DOCK5: variants seen among roughly 807,000 people sequenced by gnomAD.
DOCK5 encodes the protein dedicator of cytokinesis 5.
In DOCK5, 142 loss-of-function variants were observed where a neutral mutation model predicts 251.8. The observed-to-expected ratio is 0.56, with a 90% CI of 0.49 to 0.65. The LOEUF is 0.65. DOCK5 is among the 30% of genes least tolerant of loss of function. The probability of loss-of-function intolerance (pLI) is 0.00; values close to 1 mark genes in which losing one functional copy is unlikely to be tolerated. For missense variants in DOCK5, 2,111 were observed against 2,312.3 expected (o/e 0.91, Z 1.79); for synonymous variants, 842 against 835.5 (o/e 1.01, Z -0.13).
chr8:25,260,525 A>C (rs1160910600), intron 2 of DOCK5, among the ~76,000 whole-genome samples: 1 of 152,174 alleles, frequency 6.6e-6, no homozygotes, highest in African/African-American at 2.4e-5. Context: ...TTGTTGGGAA[A>C]TCATGCGTCC....
rs184268929 is a variant in DOCK5, at chr8:25,386,438, A to T, written c.4132-2653A>T. Among the ~76,000 whole-genome samples, 474 of 152,210 alleles carry T rather than the reference A, an allele frequency of 3.1e-3. 2 individuals are homozygous for T. The highest frequency in any genetic ancestry group is 5.5e-3 in the African/African-American group (229 of 41,536). ...AGCATGACCCCGTCTCTATAAAAAA[A>T]TTTTTTAAAAATTAGCCAGGCATGG... On this transcript the variant is annotated intron_variant, in intron 40 of 51. Coordinates refer to ENST00000276440, the MANE Select transcript of DOCK5 (RefSeq NM_024940.8).
intron 45 of DOCK5, among the ~76,000 whole-genome samples, chr8:25,399,327 C>A (rs1018084583): frequency 1.3e-5 from 2 of 152,152 alleles, no homozygotes; most frequent in Admixed American, 6.5e-5. Context: ...ATAAGGGCAA[C>A]CAGCATTTAA....
chr8:25,412,038 C>T lies in DOCK5; in HGVS notation c.*740C>T, dbSNP rs1801639830. On this transcript the variant is annotated 3_prime_UTR_variant, in exon 52 of 52. Coordinates refer to ENST00000276440, the MANE Select transcript of DOCK5 (RefSeq NM_024940.8). ...TTCACTGCGTCGCAGTCACTCCTTC[C>T]CTACGGACTTCTTTGAAGCTCTTCC... 1 of 150,340 alleles carries T rather than the reference C, an allele frequency of 6.7e-6. No homozygotes were observed. Among genetic ancestry groups the T allele is most frequent in the African/African-American group, 2.4e-5 (1 of 40,886 alleles). The allele number at this position is 150,340 out of a possible 1,614,324, so 9.3% of individuals were successfully genotyped here. A position where few individuals can be genotyped will look rare whatever the true frequency, so the allele number is the denominator to read the frequency against.
Position 25,298,385 on chromosome 8 carries a change from G to T in DOCK5, c.607-559G>T, listed in dbSNP as rs1051450407. Among the ~76,000 whole-genome samples, 3 of 152,160 alleles carry T rather than the reference G, an allele frequency of 2.0e-5. No individual in the cohort carries two copies. In the East Asian group the frequency reaches 5.8e-4, roughly 29 times the overall value. On this transcript the variant is annotated intron_variant, in intron 7 of 51. Transcript: ENST00000276440. Reference sequence around the variant, plus strand: ...ATTCAGAAGCTATTGTGTAAGACAAGCACCTCTTGGAGCTACCAAAACCCT... The same window carrying T: ...ATTCAGAAGCTATTGTGTAAGACAATCACCTCTTGGAGCTACCAAAACCCT...
chr8:25,380,079 A>G (rs1448354572), intron 38 of DOCK5, among the ~76,000 whole-genome samples: 1 of 152,236 alleles, frequency 6.6e-6, no homozygotes, highest in Admixed American at 6.5e-5. Flanking sequence ...CCGTGCAAAC[A>G]GAACTACAGA....
intron 27 of DOCK5, among the ~76,000 whole-genome samples, chr8:25,353,091 G>A (rs1243362629): frequency 6.6e-6 from 1 of 152,120 alleles, no homozygotes; most frequent in Non-Finnish European, 1.5e-5. Flanking sequence ...AAGTAAAACT[G>A]TCTTTCTGCT....
At chr8:25,284,205 T>A (rs1241900630) in intron 5 of DOCK5, among the ~76,000 whole-genome samples, 1 of 152,236 alleles carries the variant, frequency 6.6e-6, no homozygotes, top group Non-Finnish European at 1.5e-5. Flanking sequence ...GGATTTTATG[T>A]GCTATATGCC....
chr8:25,381,692 A>C (rs1801070642), intron 39 of DOCK5, among the ~76,000 whole-genome samples: 1 of 152,188 alleles, frequency 6.6e-6, no homozygotes. Context: ...CATGTTACAT[A>C]CCGGTCTAAG....
rs1430808829 is a variant in DOCK5 at position 25,391,875 on chromosome 8, CA to C, written c.4356-20del. The C allele has an allele frequency of 6.2e-7, 1 of 1,610,394 alleles. No individual in the cohort carries two copies. The highest frequency in any genetic ancestry group is 8.5e-7 in the Non-Finnish European group (1 of 1,177,480). On this transcript the variant is annotated intron_variant, in intron 42 of 51. Coordinates refer to ENST00000276440, the MANE Select transcript of DOCK5 (RefSeq NM_024940.8). Reference sequence around the variant, plus strand: ...GTTGTTCTAAGAGAGAAAAATACAGCATTGCTTTGTCCTTCTCCAGCTACTA... The same window carrying C: ...GTTGTTCTAAGAGAGAAAAATACAGCTTGCTTTGTCCTTCTCCAGCTACTA...
chr8:25,411,154 G>T, intron 51 of DOCK5, 40 bp from the exon 52 acceptor site: 1 of 1,492,720 alleles, frequency 6.7e-7, no homozygotes, highest in Non-Finnish European at 8.9e-7. Context: ...TGGGAAGAAA[G>T]CTAAGACCTG....
In DOCK5 at chr8:25,401,133, G is replaced by A. The variant is rs553496481; in HGVS notation, c.4926+67G>A. On this transcript the variant is annotated intron_variant, in intron 47 of 51. Transcript: ENST00000276440. The stretch of plus-strand genomic sequence containing the variant: ...CTGTGACCTTTTATGACACTGATTC[G>A]TTTTTCAGATGCCAAGTGAGTTGTA... The A allele has an allele frequency of 4.4e-5, 69 of 1,581,626 alleles. No homozygotes were observed. In the East Asian group the frequency reaches 5.9e-4, roughly 13 times the overall value.
chr8:25,259,057 T>C (rs532140127), intron 2 of DOCK5, among the ~76,000 whole-genome samples: 30 of 152,056 alleles, frequency 2.0e-4, no homozygotes, highest in African/African-American at 6.8e-4. Flanking sequence ...GGGGCGGAGG[T>C]TGCAGTGAGG....
In DOCK5 at chr8:25,291,872, C is replaced by CAA. The variant is rs5890217; in HGVS notation, c.322-136_322-135dup. Among the ~76,000 whole-genome samples the CAA allele has an allele frequency of 3.0e-3, 343 of 114,232 alleles. 4 individuals carry two copies. The highest frequency in any genetic ancestry group is 4.7e-3 in the Middle Eastern group (1 of 212). 74.9% of individuals were successfully genotyped at this position (114,232 alleles called of 152,430 possible). A position where few individuals can be genotyped will look rare whatever the true frequency, so the allele number is the denominator to read the frequency against. On this transcript the variant is annotated intron_variant, in intron 5 of 51. Transcript: ENST00000276440. ...TGGGTGACAGAGCAAGACTCCATCA[C>CAA]AAAAAAAAAAAAAAAAAGAATCGGC...
chr8:25,201,786 A>T (rs7831718), intron 1 of DOCK5, among the ~76,000 whole-genome samples: 1 of 152,086 alleles, frequency 6.6e-6, no homozygotes, highest in Non-Finnish European at 1.5e-5. Context: ...AGTACGTGAT[A>T]GCTATCTGAA....
At chr8:25,400,182 C>G (rs1801413640) in intron 46 of DOCK5, among the ~76,000 whole-genome samples, 188 bp downstream of exon 46, 1 of 152,104 alleles carries the variant, frequency 6.6e-6, no homozygotes, top group Non-Finnish European at 1.5e-5. Context: ...GTTGACGGAG[C>G]CTTCTTAAAG....
intron 3 of DOCK5, among the ~76,000 whole-genome samples, chr8:25,271,684 G>C (rs973280995): frequency 2.0e-5 from 3 of 152,186 alleles, no homozygotes; most frequent in Non-Finnish European, 2.9e-5. Context: ...GATCCTGGTG[G>C]AATTGTGGGA....
intron 40 of DOCK5, among the ~76,000 whole-genome samples, chr8:25,387,792 G>T (rs1296705941): frequency 2.0e-5 from 3 of 151,990 alleles, no homozygotes; most frequent in Non-Finnish European, 4.4e-5. Flanking sequence ...TTCTCTTTAC[G>T]CTTCCTTATC....
At chr8:25,363,527 G>T (rs1208624321) in intron 29 of DOCK5, among the ~76,000 whole-genome samples, 1 of 152,186 alleles carries the variant, frequency 6.6e-6, no homozygotes, top group Non-Finnish European at 1.5e-5. Context: ...TGAACATTTA[G>T]ATTCTTTCCA....
chr8:25,310,655 C>T, intron 13 of DOCK5, 123 bp downstream of exon 13: 1 of 1,163,494 alleles, frequency 8.6e-7, no homozygotes, highest in Non-Finnish European at 1.2e-6. Context: ...CCTGAGACAC[C>T]TGGGACACAA....
Sources: gnomAD v4.1 joint callset for allele counts (sites outside exome capture counted in the v4.1 genomes callset) on GRCh38, gnomAD v4.1.1 for gene constraint, MANE v1.5 for transcripts, NCBI Gene and HGNC (gene_info 2026-07-23, HGNC 2026-07-21) for gene names.